Variants in APOL5 observed in about 807,000 individuals in gnomAD.
APOL5 encodes the protein apolipoprotein L5.
In APOL5, 29 loss-of-function variants were observed where a neutral mutation model predicts 35.5. The observed-to-expected ratio is 0.82, with a 90% CI of 0.61 to 1.11. APOL5 has a LOEUF of 1.11. APOL5 is among the 50% of genes most tolerant of loss of function. APOL5 has a pLI of 0.00. For synonymous variants in APOL5, 188 were observed against 200.2 expected, an observed-to-expected ratio of 0.94 and a Z score of 0.51; for missense variants, 514 against 530.4, an observed-to-expected ratio of 0.97 and a Z score of 0.30.
intron 2 of APOL5, among the ~76,000 whole-genome samples, chr22:35,722,051 T>C (rs1313707599): frequency 6.6e-6 from 1 of 152,190 alleles, no homozygotes; most frequent in Non-Finnish European, 1.5e-5. Flanking sequence ...CCACCTCCAC[T>C]GTCAAGATTT....
At chr22:35,728,525 C>T (rs1438889007) in intron 3 of APOL5, among the ~76,000 whole-genome samples, 198 bp from the exon 4 acceptor site, 1 of 152,156 alleles carries the variant, frequency 6.6e-6, no homozygotes, top group African/African-American at 2.4e-5. Flanking sequence ...GCCCGGCCGA[C>T]TTTAGACATT....
chr22:35,721,475 G>A (rs1857079660), intron 2 of APOL5, among the ~76,000 whole-genome samples: 1 of 152,080 alleles, frequency 6.6e-6, no homozygotes, highest in South Asian at 2.1e-4. Flanking sequence ...CCCGGGAGGC[G>A]GAGGTTGCAG....
intron 2 of APOL5, among the ~76,000 whole-genome samples, chr22:35,721,986 A>G (rs1401874691): frequency 5.3e-5 from 8 of 152,234 alleles, no homozygotes; most frequent in African/African-American, 1.9e-4. Context: ...AGACACAGGT[A>G]CAGTTATTGA....
In APOL5 at chr22:35,723,298, C is replaced by T. The variant is rs375036221; in HGVS notation, c.142+2644C>T. On this transcript the variant is annotated intron_variant, in intron 2 of 4. Coordinates refer to ENST00000249044, the MANE Select transcript of APOL5 (RefSeq NM_030642.1). ...CAATTAGGAGACAGGCCAGAACCAG[C>T]CTAAGGGATATACAAGTCAAACCCT... Among the ~76,000 whole-genome samples, 7 of 152,274 alleles carry T rather than the reference C, an allele frequency of 4.6e-5. No individual in the cohort carries two copies. The East Asian group carries it at 5.8e-4, about 13-fold the overall frequency.
intron 2 of APOL5, among the ~76,000 whole-genome samples, chr22:35,725,594 G>C (rs956911344): frequency 1.9e-4 from 29 of 152,132 alleles, no homozygotes; most frequent in Admixed American, 1.8e-3. Context: ...GGTGGGTAAG[G>C]GTCCAGGGAG....
intron 3 of APOL5, among the ~76,000 whole-genome samples, chr22:35,728,366 G>A (rs897443774): frequency 1.3e-5 from 2 of 152,192 alleles, no homozygotes; most frequent in African/African-American, 4.8e-5. Context: ...TGGGACTACA[G>A]GCGCCCGCCA....
chr22:35,726,631 A>T lies in APOL5; in HGVS notation c.563A>T (p.Asn188Ile). ...GCTGCCATCACCAACATAGTAACAA[A>T]TGTCTTAGAAAATAGAAGCAATTCA... Reference protein sequence around the residue: ...AAAAITNIVTNVLENRSNSAA... With the variant: ...AAAAITNIVTIVLENRSNSAA... The change falls in exon 3 of 5, where the codon AAT (asparagine) becomes ATT (isoleucine). Residue 188 changes from asparagine to isoleucine, a missense_variant. Asn to Ile is a moderately radical substitution (Grantham distance 149, BLOSUM62 -3). Coordinates refer to ENST00000249044, the MANE Select transcript of APOL5 (RefSeq NM_030642.1). 1 of 1,614,164 alleles carries T rather than the reference A, an allele frequency of 6.2e-7. No homozygotes were observed. Among genetic ancestry groups the T allele is most frequent in the Non-Finnish European group, 8.5e-7 (1 of 1,180,028 alleles).
At chr22:35,726,002 A>T (rs1399990226) in intron 2 of APOL5, among the ~76,000 whole-genome samples, 2 of 152,318 alleles carry the variant, frequency 1.3e-5, no homozygotes, top group African/African-American at 4.8e-5. Context: ...AGTTCTTCCC[A>T]AAGTTAGTTC....
chr22:35,720,481 G>T, intron 1 of APOL5, 87 bp from the exon 2 acceptor site: 1 of 1,110,298 alleles, frequency 9.0e-7, no homozygotes, highest in Non-Finnish European at 1.3e-6. Flanking sequence ...ATTGTAATTA[G>T]ACAGCCAACT....
chr22:35,721,544 T>TAAA, intron 2 of APOL5, among the ~76,000 whole-genome samples: 1 of 148,932 alleles, frequency 6.7e-6, no homozygotes, highest in South Asian at 2.1e-4. Context: ...GGGCTTCATT[T>TAAA]AAAAAAAAAA....
chr22:35,723,476 C>T (rs1222884465), intron 2 of APOL5, among the ~76,000 whole-genome samples: 5 of 152,158 alleles, frequency 3.3e-5, no homozygotes, highest in Non-Finnish European at 7.3e-5. Context: ...CAAAATGATT[C>T]AACAGGAAAA....
At chr22:35,720,794 G>A (rs1926945426) in intron 2 of APOL5, 140 bp downstream of exon 2, 5 of 612,944 alleles carry the variant, frequency 8.2e-6, no homozygotes, top group Admixed American at 2.9e-5. Flanking sequence ...TGCCCAGGTT[G>A]GAGTGCAGTG....
the APOL5 span, among the ~76,000 whole-genome samples, chr22:35,708,890 G>A: frequency 5.9e-5 from 9 of 152,214 alleles, no homozygotes; most frequent in Non-Finnish European, 1.3e-4. Flanking sequence ...TCGAGAGGTA[G>A]CTACCCTGCG....
rs1427570130 is a variant in APOL5 at position 35,726,761 on chromosome 22, T to G, written c.693T>G (p.Asn231Lys). 1.2e-6 allele frequency: 2 copies of G among 1,614,078 alleles called. No homozygotes were observed. Among genetic ancestry groups the G allele is most frequent in the East Asian group, 4.5e-5 (2 of 44,898 alleles). ...TCGAGGCTGCTGGCTTTTGTGTTAA[T>G]AAGTGTGTAAAAGCTATCCAGGGCA... Reference protein sequence around the residue: ...SEIEAAGFCVNKCVKAIQGIK... With the variant: ...SEIEAAGFCVKKCVKAIQGIK... Residue 231 changes from asparagine to lysine, a missense_variant, in exon 3 of 5, where the codon AAT becomes AAG. Physicochemically the swap from Asn to Lys is moderately conservative, Grantham distance 94. This residue lies in a region of APOL5 where 22 missense variants were observed against 46.6 expected (regional missense o/e 0.47). Transcript: ENST00000249044.
At chr22:35,721,839 C>G (rs1926979641) in intron 2 of APOL5, among the ~76,000 whole-genome samples, 1 of 152,196 alleles carries the variant, frequency 6.6e-6, no homozygotes, top group Admixed American at 6.5e-5. Context: ...TGCTGCCTAA[C>G]AGAGGTTGCA....
chr22:35,721,201 T>C (rs998258849), intron 2 of APOL5, among the ~76,000 whole-genome samples: 2 of 152,080 alleles, frequency 1.3e-5, no homozygotes, highest in Admixed American at 6.6e-5. Flanking sequence ...GCAAAAAAGA[T>C]AAAATGTACA....
upstream of APOL5, among the ~76,000 whole-genome samples, chr22:35,717,222 C>CAAAAAA (rs71322978): frequency 4.5e-5 from 3 of 66,884 alleles, no homozygotes; most frequent in African/African-American, 1.6e-4. Flanking sequence ...TCCATCTCTA[C>CAAAAAA]AAAAAAAAAA....
chr22:35,711,012 A>C, the APOL5 span, among the ~76,000 whole-genome samples: 1 of 152,004 alleles, frequency 6.6e-6, no homozygotes, highest in Non-Finnish European at 1.5e-5. Flanking sequence ...ATTAAAAATA[A>C]AAAAATATTA....
chr22:35,716,917 C>A (rs896403137), upstream of APOL5, among the ~76,000 whole-genome samples: 1 of 151,912 alleles, frequency 6.6e-6, no homozygotes. Context: ...AAACAGTCCC[C>A]GGCATGGATT....
Sources: gnomAD v4.1 joint callset for allele counts (sites outside exome capture counted in the v4.1 genomes callset) on GRCh38, gnomAD v4.1.1 for gene constraint, gnomAD v4.1.1 regional missense constraint, MANE v1.5 for transcripts, NCBI Gene and HGNC (gene_info 2026-07-23, HGNC 2026-07-21) for gene names.